The following CFAP77 variants were observed in gnomAD, a reference collection of about 807,000 sequenced individuals.
CFAP77 encodes the protein cilia and flagella associated protein 77, also known as cilia- and flagella-associated protein 77.
A neutral mutation model predicts 31.1 loss-of-function variants in CFAP77; 25 were observed. The ratio of observed to expected loss-of-function variants is 0.80; its 90% confidence interval spans 0.59 to 1.12. The LOEUF (loss-of-function observed/expected upper bound fraction) is 1.12. Among genes scored for constraint, CFAP77 ranks in the 50% most tolerant of loss-of-function variants. The pLI is 0.00. For missense variants in CFAP77, 377 were observed against 397.3 expected (o/e 0.95, Z 0.44); for synonymous variants, 151 against 159.9 (o/e 0.94, Z 0.42).
At chr9:132,486,039 TATG>T (rs1564223087) in intron 1 of CFAP77, among the ~76,000 whole-genome samples, 1 of 44,936 alleles carries the variant, frequency 2.2e-5, no homozygotes, top group Non-Finnish European at 3.5e-5. Context: ...TATATATATA[TATG>T]TATGTATATG....
At chr9:132,530,029 A>G (rs992042787) in intron 3 of CFAP77, among the ~76,000 whole-genome samples, 1 of 151,712 alleles carries the variant, frequency 6.6e-6, no homozygotes, top group Non-Finnish European at 1.5e-5. Flanking sequence ...GCATTTCTCT[A>G]ATGGCTACAG....
In CFAP77 at chr9:132,509,873, G is replaced by C. The variant is rs577243323; in HGVS notation, c.524+10273G>C. ...CCCCCTTCCACTCCCAGGAAGCCCA[G>C]CCTCCCTGGGGCCCCAGACTGGCTG... On this transcript the variant is annotated intron_variant, in intron 3 of 5. Transcript: ENST00000393216. 2.0e-3 allele frequency among the ~76,000 whole-genome samples: 305 copies of C among 152,160 alleles called. 1 individual carries two copies. The highest frequency in any genetic ancestry group is 3.5e-3 in the Non-Finnish European group (236 of 67,978).
intron 3 of CFAP77, among the ~76,000 whole-genome samples, chr9:132,523,150 T>C (rs1815480): frequency 0.44 from 65,678 of 150,490 alleles, 14,860 homozygotes; most frequent in East Asian, 0.77. Context: ...TGCAGTGGCA[T>C]GATCTCTGTT....
rs183110694 is a variant in CFAP77, at chr9:132,416,435, G to T, written c.195+5969G>T. Among the ~76,000 whole-genome samples the T allele has an allele frequency of 6.2e-4, 84 of 135,520 alleles. 1 individual carries two copies. Among genetic ancestry groups the T allele is most frequent in the African/African-American group, 2.1e-3 (79 of 37,562 alleles). 88.9% of individuals were successfully genotyped at this position (135,520 alleles called of 152,430 possible). On this transcript the variant is annotated intron_variant, in intron 1 of 5. Coordinates refer to ENST00000393216, the MANE Select transcript of CFAP77 (RefSeq NM_001282957.2). ...GGCTTACCACAACCTCCGCCTCCCC[G>T]GTTCAAGGGATTCTCCTGCCTCAGC...
At chr9:132,561,643 A>C (rs908447236) in intron 5 of CFAP77, among the ~76,000 whole-genome samples, 5 of 109,300 alleles carry the variant, frequency 4.6e-5, no homozygotes, top group African/African-American at 3.0e-4. Context: ...ACACACACAC[A>C]CACACACACA....
intron 1 of CFAP77, among the ~76,000 whole-genome samples, chr9:132,450,290 G>A (rs1184005340): frequency 2.7e-5 from 4 of 150,014 alleles, no homozygotes; most frequent in African/African-American, 9.9e-5. Context: ...AAAAAAAAAA[G>A]CATTTGGAGA....
In CFAP77 at chr9:132,572,395, G is replaced by A. The variant is rs765507051; in HGVS notation, c.740G>A (p.Arg247His). The part of the protein sequence containing the change: ...WHMPHFQKVG[R>H]HLDTFPTEAD... Reference sequence around the variant, plus strand: ...CTTCCCTTCTATCCACAGGTGGGCCGCCACCTTGATACGTTCCCCACGGAG... The same window carrying A: ...CTTCCCTTCTATCCACAGGTGGGCCACCACCTTGATACGTTCCCCACGGAG... The change falls in exon 6 of 6, where the codon CGC (arginine) becomes CAC (histidine). Residue 247 changes from arginine (R) to histidine (H), a missense_variant. Transcript: ENST00000393216. The A allele has an allele frequency of 1.1e-5, 17 of 1,612,992 alleles. No individual in the cohort carries two copies. Among genetic ancestry groups the A allele is most frequent in the Admixed American group, 5.0e-5 (3 of 59,970 alleles).
At chr9:132,505,752 C>T (rs113318460) in intron 3 of CFAP77, among the ~76,000 whole-genome samples, 2 of 152,152 alleles carry the variant, frequency 1.3e-5, no homozygotes, top group Non-Finnish European at 2.9e-5. Flanking sequence ...TCCCTTTGGA[C>T]AGAATCCATG....
At chr9:132,453,321 T>TGCAGTGAG (rs1554738155) in intron 1 of CFAP77, among the ~76,000 whole-genome samples, 1 of 150,922 alleles carries the variant, frequency 6.6e-6, no homozygotes, top group African/African-American at 2.5e-5. Flanking sequence ...GCTCCGGAGT[T>TGCAGTGAG]CGAGACCAGC....
intron 1 of CFAP77, among the ~76,000 whole-genome samples, chr9:132,485,892 C>A (rs1244313165): frequency 6.7e-6 from 1 of 148,244 alleles, no homozygotes; most frequent in Non-Finnish European, 1.5e-5. Context: ...GGAATCGGGG[C>A]CCAGGTAGTT....
intron 3 of CFAP77, among the ~76,000 whole-genome samples, chr9:132,513,020 A>T (rs1302173313): frequency 2.0e-5 from 3 of 152,022 alleles, no homozygotes; most frequent in Admixed American, 6.6e-5. Context: ...TTTTTAATTT[A>T]AAAAAAATTT....
chr9:132,490,648 C>T lies in CFAP77; in HGVS notation c.196-8047C>T, dbSNP rs143852799. ...AAGTCCCCTTGGCCCTCTTACCCTCCCTGGCTACTCCTGGAACCTTCTTCA... is the reference window on the plus strand; with the variant it reads ...AAGTCCCCTTGGCCCTCTTACCCTCTCTGGCTACTCCTGGAACCTTCTTCA... On this transcript the variant is annotated intron_variant, in intron 1 of 5. Transcript: ENST00000393216. This position sits in a 1 kb window ranked among gnomAD's most constrained non-coding sequence, Gnocchi z 4.6. Among the ~76,000 whole-genome samples, 1,041 of 152,244 alleles carry T rather than the reference C, an allele frequency of 6.8e-3. 22 individuals carry two copies. Among genetic ancestry groups the T allele is most frequent in the African/African-American group, 0.024 (994 of 41,554 alleles).
chr9:132,458,481 G>A (rs1335063900), intron 1 of CFAP77, among the ~76,000 whole-genome samples: 1 of 152,188 alleles, frequency 6.6e-6, no homozygotes, highest in Non-Finnish European at 1.5e-5. Context: ...GTGTGGGCTA[G>A]GTTTCATCCT....
chr9:132,464,358 AT>A (rs1457492646), intron 1 of CFAP77, among the ~76,000 whole-genome samples: 13 of 151,838 alleles, frequency 8.6e-5, no homozygotes, highest in African/African-American at 3.1e-4. Flanking sequence ...GCTCACCCCA[AT>A]TTAAAAAAAA....
At chr9:132,543,217 CG>C (rs1273681589) in intron 5 of CFAP77, among the ~76,000 whole-genome samples, 170 bp downstream of exon 5, 2 of 152,240 alleles carry the variant, frequency 1.3e-5, no homozygotes, top group African/African-American at 2.4e-5. Context: ...TCCCAAGGCC[CG>C]GAGCTGAGCC....
chr9:132,471,755 C>T (rs528520948), intron 1 of CFAP77, among the ~76,000 whole-genome samples: 4 of 152,160 alleles, frequency 2.6e-5, no homozygotes, highest in African/African-American at 9.6e-5. Flanking sequence ...AGCTGGAGTG[C>T]ATTGGTGCCA....
At chr9:132,433,971 T>TGAAA (rs1232998832) in intron 1 of CFAP77, among the ~76,000 whole-genome samples, 3 of 129,934 alleles carry the variant, frequency 2.3e-5, no homozygotes, top group African/African-American at 8.6e-5. Flanking sequence ...ACCCCATGTG[T>TGAAA]AAAAAAAAAA....
chr9:132,423,810 T>C (rs934641099), intron 1 of CFAP77, among the ~76,000 whole-genome samples: 3 of 152,254 alleles, frequency 2.0e-5, no homozygotes, highest in African/African-American at 7.2e-5. Context: ...GGATTGGGGC[T>C]GGCAGTGTGG....
intron 1 of CFAP77, among the ~76,000 whole-genome samples, chr9:132,468,109 G>A (rs556577110): frequency 1.3e-5 from 2 of 152,222 alleles, no homozygotes; most frequent in South Asian, 2.1e-4. Context: ...TTGGGAGGCC[G>A]AGGCGGGTGG....
Sources: allele counts gnomAD v4.1 joint callset (sites outside exome capture counted in the v4.1 genomes callset), GRCh38; gene constraint gnomAD v4.1.1; non-coding constraint Gnocchi (gnomAD v3.1); transcripts MANE v1.5; gene names NCBI Gene and HGNC (gene_info 2026-07-23, HGNC 2026-07-21).